WWOX: variants seen among roughly 807,000 people sequenced by gnomAD.
The protein encoded by WWOX is WW domain-containing oxidoreductase.
Under a neutral mutation model 46.2 loss-of-function variants are expected in WWOX, and 69 were observed. The observed-to-expected ratio is 1.49, with a 90% CI of 1.23 to 1.82. The LOEUF (loss-of-function observed/expected upper bound fraction) is 1.82. Among genes scored for constraint, WWOX ranks in the 40% most tolerant of loss-of-function variants. The pLI is 0.00. For missense variants in WWOX, 919 were observed against 542.6 expected (o/e 1.69, Z -6.89); for synonymous variants, 359 against 202.6 (o/e 1.77, Z -6.56).
chr16:78,848,979 C>A (rs985359268), intron 8 of WWOX, among the ~76,000 whole-genome samples: 1 of 152,176 alleles, frequency 6.6e-6, no homozygotes, highest in Non-Finnish European at 1.5e-5. Flanking sequence ...AAATCATTTG[C>A]TGCGATGACT....
At chr16:79,041,744 G>A (rs1201922098) in intron 8 of WWOX, among the ~76,000 whole-genome samples, 1 of 152,092 alleles carries the variant, frequency 6.6e-6, no homozygotes, top group Non-Finnish European at 1.5e-5. Flanking sequence ...TGGAATCCAG[G>A]GCTTGAGCTT....
chr16:78,207,525 C>G (rs1321285031), intron 5 of WWOX, among the ~76,000 whole-genome samples: 1 of 145,956 alleles, frequency 6.9e-6, no homozygotes, highest in African/African-American at 2.5e-5. Context: ...ATCTTTGTTA[C>G]TTTGTTAGGA....
intron 8 of WWOX, among the ~76,000 whole-genome samples, chr16:78,506,275 C>T (rs990128816): frequency 9.2e-5 from 14 of 152,218 alleles, no homozygotes; most frequent in Admixed American, 6.5e-4. Flanking sequence ...GTGTTTTTGG[C>T]GCGTGCTGAC....
chr16:78,738,781 T>G (rs1027826716), intron 8 of WWOX, among the ~76,000 whole-genome samples: 2 of 152,152 alleles, frequency 1.3e-5, no homozygotes, highest in African/African-American at 4.8e-5. Context: ...TGTGCAACCC[T>G]AGAGCCATTG....
intron 4 of WWOX, among the ~76,000 whole-genome samples, chr16:78,154,358 C>G (rs1424473635): frequency 1.3e-5 from 2 of 152,060 alleles, no homozygotes; most frequent in African/African-American, 4.8e-5. Flanking sequence ...AGTGTTTACT[C>G]CCTGCCTAAA....
At chr16:78,626,105 A>G (rs1220182833) in intron 8 of WWOX, among the ~76,000 whole-genome samples, 1 of 151,674 alleles carries the variant, frequency 6.6e-6, no homozygotes, top group Non-Finnish European at 1.5e-5. Context: ...GTGTTCCAGG[A>G]GCCCATCCAG....
chr16:78,517,399 A>C (rs1016197087), intron 8 of WWOX, among the ~76,000 whole-genome samples: 8 of 149,750 alleles, frequency 5.3e-5, no homozygotes, highest in Non-Finnish European at 1.0e-4. Flanking sequence ...TGAGCAATTG[A>C]AAATCACCAG....
chr16:78,918,025 G>C (rs2045292013), intron 8 of WWOX, among the ~76,000 whole-genome samples: 1 of 152,042 alleles, frequency 6.6e-6, no homozygotes, highest in South Asian at 2.1e-4. Context: ...AACACAGTGA[G>C]ACCCCACCTC....
chr16:78,356,841 C>T (rs1424581785), intron 5 of WWOX, among the ~76,000 whole-genome samples: 1 of 152,046 alleles, frequency 6.6e-6, no homozygotes, highest in Admixed American at 6.6e-5. Flanking sequence ...GAGATGGCAC[C>T]ATTGCACTCC....
In WWOX at chr16:79,049,834, C is replaced by CAA. The variant is rs34371278; in HGVS notation, c.1057-161756_1057-161755dup. On this transcript the variant is annotated intron_variant, in intron 8 of 8. Coordinates refer to ENST00000566780, the MANE Select transcript of WWOX (RefSeq NM_016373.4). ...TGGCCGACAGAGTGAGACTCTGTCT[C>CAA]AAAAAAAAAAAAAAAAAAAGTTACT... Among the ~76,000 whole-genome samples the CAA allele has an allele frequency of 4.2e-3, 331 of 78,608 alleles. 3 individuals carry two copies. Among genetic ancestry groups the CAA allele is most frequent in the Non-Finnish European group, 6.1e-3 (229 of 37,816 alleles). 51.6% of individuals were successfully genotyped at this position (78,608 alleles called of 152,430 possible).
At chr16:78,658,057 G>T (rs957540907) in intron 8 of WWOX, among the ~76,000 whole-genome samples, 6 of 151,986 alleles carry the variant, frequency 3.9e-5, no homozygotes, top group African/African-American at 1.5e-4. Flanking sequence ...TGTTGGGGGG[G>T]ATTTCCTGTG....
At chr16:78,421,205 ACT>A (rs2082920204) in intron 6 of WWOX, among the ~76,000 whole-genome samples, 1 of 152,062 alleles carries the variant, frequency 6.6e-6, no homozygotes, top group African/African-American at 2.4e-5. Flanking sequence ...ACAGAATTTT[ACT>A]CTCTTACAGT....
At chr16:78,770,733 G>A (rs909589062) in intron 8 of WWOX, among the ~76,000 whole-genome samples, 1 of 148,524 alleles carries the variant, frequency 6.7e-6, no homozygotes, top group Non-Finnish European at 1.5e-5. Context: ...ACCCGTCTGC[G>A]CCAGTGTCCC....
intron 8 of WWOX, among the ~76,000 whole-genome samples, chr16:79,122,243 T>C (rs537662719): frequency 4.6e-5 from 7 of 152,072 alleles, no homozygotes; most frequent in African/African-American, 1.7e-4. Context: ...TTTCATCAGG[T>C]AGTGTTAGAA....
intron 8 of WWOX, chr16:78,994,432 T>C (rs2046947989): frequency 6.6e-6 from 1 of 152,180 alleles, no homozygotes; most frequent in Non-Finnish European, 1.5e-5. Flanking sequence ...TTTTTATCGG[T>C]TCACGTATTT....
intron 8 of WWOX, among the ~76,000 whole-genome samples, chr16:78,842,549 T>A (rs188075481): frequency 1.3e-5 from 2 of 152,108 alleles, no homozygotes; most frequent in Non-Finnish European, 1.5e-5. Flanking sequence ...GGATCTAAGA[T>A]GATTGGAAAC....
At chr16:78,926,090 C>G (rs926123497) in intron 8 of WWOX, among the ~76,000 whole-genome samples, 2 of 152,100 alleles carry the variant, frequency 1.3e-5, no homozygotes, top group African/African-American at 4.8e-5. Flanking sequence ...AGGTTTACAG[C>G]CAATTGTAGA....
At chr16:78,613,285 G>C (rs1452846473) in intron 8 of WWOX, among the ~76,000 whole-genome samples, 1 of 152,120 alleles carries the variant, frequency 6.6e-6, no homozygotes, top group Non-Finnish European at 1.5e-5. Flanking sequence ...CACTCTTTCA[G>C]AAACATGAGC....
chr16:78,985,038 C>A (rs1027092276), intron 8 of WWOX, among the ~76,000 whole-genome samples: 1 of 152,124 alleles, frequency 6.6e-6, no homozygotes, highest in Admixed American at 6.5e-5. Flanking sequence ...GAGTCCCTTG[C>A]CCCCTCCACC....
Sources: gnomAD v4.1 joint callset for allele counts (sites outside exome capture counted in the v4.1 genomes callset) on GRCh38, gnomAD v4.1.1 for gene constraint, MANE v1.5 for transcripts, NCBI Gene and HGNC (gene_info 2026-07-23, HGNC 2026-07-21) for gene names.